The following TMC5 variants were observed in gnomAD, a reference collection of about 807,000 sequenced individuals.
The protein encoded by TMC5 is transmembrane channel-like protein 5.
TMC5 carries 86 observed loss-of-function variants against 110.5 expected under a neutral mutation model. The observed-to-expected ratio is 0.78, with a 90% CI of 0.65 to 0.93. The LOEUF is 0.93. TMC5 is among the 40% of genes least tolerant of loss of function. TMC5 has a pLI of 0.00. For missense variants in TMC5, 1,144 were observed against 1,222.8 expected, an observed-to-expected ratio of 0.94 and a Z score of 0.96; for synonymous variants, 455 against 439.5, an observed-to-expected ratio of 1.04 and a Z score of -0.44.
At chr16:19,490,175 T>C (rs540662673) in intron 17 of TMC5, among the ~76,000 whole-genome samples, 13 of 152,256 alleles carry the variant, frequency 8.5e-5, no homozygotes, top group Non-Finnish European at 1.6e-4. Flanking sequence ...GGCCTTTGGA[T>C]TGGCTGCTGT....
chr16:19,457,130 C>T, intron 5 of TMC5: 2 of 862,962 alleles, frequency 2.3e-6, no homozygotes, highest in Non-Finnish European at 3.5e-6. Context: ...TGGCTCACAC[C>T]TATAATCCTA....
In TMC5 at chr16:19,434,485, TAG is replaced by T. The variant is rs1567300778; in HGVS notation, c.-80+3847_-80+3848del. Among the ~76,000 whole-genome samples the T allele has an allele frequency of 6.6e-4, 50 of 75,812 alleles. 1 individual carries two copies. Among genetic ancestry groups the T allele is most frequent in the African/African-American group, 2.7e-3 (48 of 17,564 alleles). 49.7% of individuals were successfully genotyped at this position (75,812 alleles called of 152,430 possible). A position where few individuals can be genotyped will look rare whatever the true frequency, so the allele number is the denominator to read the frequency against. ...ATCTATAGATAGATAGATAGATAGA[TAG>T]ATAGATATAGAGAGAGAGAGAGATG... is the stretch of plus-strand genomic sequence containing the variant. On this transcript the variant is annotated intron_variant, in intron 2 of 21. Transcript: ENST00000542583.
intron 1 of TMC5, among the ~76,000 whole-genome samples, chr16:19,412,021 T>G (rs1022149356): frequency 2.6e-5 from 4 of 152,174 alleles, no homozygotes; most frequent in African/African-American, 9.7e-5. Flanking sequence ...TGCCTCAGTT[T>G]CCTTATCTGT....
intron 4 of TMC5, among the ~76,000 whole-genome samples, chr16:19,445,702 C>T (rs113182632): frequency 4.0e-4 from 61 of 152,074 alleles, no homozygotes; most frequent in African/African-American, 1.5e-3. Flanking sequence ...ACAAGAGACC[C>T]AAGTGCTGGG....
chr16:19,479,597 G>A (rs532709565), intron 14 of TMC5, 69 bp downstream of exon 14: 2 of 1,078,354 alleles, frequency 1.9e-6, no homozygotes, highest in African/African-American at 1.6e-5. Flanking sequence ...CTGGCTGAGT[G>A]GGACATACAG....
chr16:19,414,396 G>T (rs151098192), upstream of TMC5, among the ~76,000 whole-genome samples: 3 of 152,074 alleles, frequency 2.0e-5, no homozygotes, highest in Non-Finnish European at 4.4e-5. Context: ...TTCATAGAAG[G>T]TGAAAAACTC....
intron 9 of TMC5, 131 bp from the exon 10 acceptor site, chr16:19,469,550 G>A (rs1968272607): frequency 1.7e-6 from 2 of 1,149,384 alleles, no homozygotes; most frequent in Non-Finnish European, 2.5e-6. Context: ...CACCGCTCCA[G>A]GCCAACAGCT....
chr16:19,415,174 A>G (rs1265034987), upstream of TMC5, among the ~76,000 whole-genome samples: 2 of 152,220 alleles, frequency 1.3e-5, no homozygotes, highest in African/African-American at 4.8e-5. Flanking sequence ...TATAGGGCAT[A>G]TATGTGTCAT....
chr16:19,476,035 G>T (rs1968481326), intron 12 of TMC5, among the ~76,000 whole-genome samples: 1 of 152,092 alleles, frequency 6.6e-6, no homozygotes, highest in South Asian at 2.1e-4. Context: ...TCAGTCAGTT[G>T]ATTATATCCA....
intron 8 of TMC5, among the ~76,000 whole-genome samples, chr16:19,464,639 CT>C (rs551812186): frequency 6.6e-6 from 1 of 151,086 alleles, no homozygotes; most frequent in African/African-American, 2.4e-5. Context: ...CTACAACTTG[CT>C]TTTTTTTTAC....
chr16:19,472,245 T>C lies in TMC5; in HGVS notation c.1938+2T>C. Reference sequence around the variant, plus strand: ...TACCTGGCTGAGTACAACTTAGAGGTAACCAACACCAGGGTCCAGGGCAGA... The same window carrying C: ...TACCTGGCTGAGTACAACTTAGAGGCAACCAACACCAGGGTCCAGGGCAGA... On this transcript the variant is annotated splice_donor_variant, in intron 11 of 21. Coordinates refer to ENST00000542583, the MANE Select transcript of TMC5 (RefSeq NM_001261841.2). LOFTEE classifies it high-confidence loss of function. 1.9e-6 allele frequency: 3 copies of C among 1,613,462 alleles called. No homozygotes were observed. Among genetic ancestry groups the C allele is most frequent in the Non-Finnish European group, 2.5e-6 (3 of 1,179,762 alleles).
chr16:19,479,072 C>T (rs911783787), intron 13 of TMC5, among the ~76,000 whole-genome samples: 1 of 152,170 alleles, frequency 6.6e-6, no homozygotes, highest in African/African-American at 2.4e-5. Context: ...GCATTCTTAG[C>T]CATTGGCACT....
At chr16:19,452,415 A>G (rs1429695513) in intron 5 of TMC5, among the ~76,000 whole-genome samples, 2 of 152,086 alleles carry the variant, frequency 1.3e-5, no homozygotes, top group Admixed American at 6.6e-5. Flanking sequence ...ATTGACAAGC[A>G]TGTAGAAATG....
chr16:19,451,987 C>T lies in TMC5; in HGVS notation c.1048+2356C>T, dbSNP rs542258138. 3.9e-5 allele frequency among the ~76,000 whole-genome samples: 6 copies of T among 152,102 alleles called. No homozygotes were observed. In the South Asian group the frequency reaches 6.2e-4, roughly 16 times the overall value. On this transcript the variant is annotated intron_variant, in intron 5 of 21. Coordinates refer to ENST00000542583, the MANE Select transcript of TMC5 (RefSeq NM_001261841.2). ...CTCATTTTTGTATTTTTAGTAGAGA[C>T]GGGGTTTCGGCATTTTGGCCAGGCT...
chr16:19,453,831 G>T (rs1000324782), intron 5 of TMC5, among the ~76,000 whole-genome samples: 1 of 152,070 alleles, frequency 6.6e-6, no homozygotes, highest in African/African-American at 2.4e-5. Context: ...AATTAATTAT[G>T]CTGTGTCCCT....
chr16:19,419,903 T>C (rs1037747424), intron 1 of TMC5, among the ~76,000 whole-genome samples: 1 of 152,186 alleles, frequency 6.6e-6, no homozygotes, highest in Non-Finnish European at 1.5e-5. Flanking sequence ...TTATTTCTAG[T>C]CACCCAACGT....
At chr16:19,418,129 A>G (rs879294593) in intron 1 of TMC5, 37 bp downstream of exon 1, 2 of 152,274 alleles carry the variant, frequency 1.3e-5, no homozygotes, top group Non-Finnish European at 2.9e-5. Flanking sequence ...GTGGGAGGTC[A>G]TGGGAATAAT....
At chr16:19,488,331 A>T (rs564597068) in intron 17 of TMC5, among the ~76,000 whole-genome samples, 14 of 152,306 alleles carry the variant, frequency 9.2e-5, no homozygotes, top group South Asian at 2.1e-4. Flanking sequence ...ATCACCACCC[A>T]TCCGATGCCC....
At chr16:19,470,085 G>A (rs528618966) in intron 10 of TMC5, among the ~76,000 whole-genome samples, 6 of 151,902 alleles carry the variant, frequency 3.9e-5, no homozygotes, top group South Asian at 2.1e-4. Flanking sequence ...TAGTAGAGAC[G>A]GGGTTTCACT....
Sources: allele counts gnomAD v4.1 joint callset (sites outside exome capture counted in the v4.1 genomes callset), GRCh38; gene constraint gnomAD v4.1.1; transcripts MANE v1.5; gene names NCBI Gene and HGNC (gene_info 2026-07-23, HGNC 2026-07-21).